The following ZNF124 variants were observed in gnomAD, a reference collection of about 807,000 sequenced individuals.
ZNF124 encodes the protein zinc finger protein 124.
A neutral mutation model predicts 26.6 loss-of-function variants in ZNF124; 25 were observed. That is an observed-to-expected ratio of 0.94 (90% confidence interval 0.68 to 1.31). The LOEUF is 1.31. Ranked by LOEUF, ZNF124 falls within the 40% of genes most tolerant of loss-of-function variation. ZNF124 has a pLI of 0.00. For missense variants in ZNF124, 444 were observed against 422.2 expected (o/e 1.05, Z -0.45); for synonymous variants, 129 against 133.3 (o/e 0.97, Z 0.22).
intron 2 of ZNF124, 96 bp from the exon 3 acceptor site, chr1:247,159,162 AC>A: frequency 8.7e-7 from 1 of 1,147,004 alleles, no homozygotes; most frequent in Non-Finnish European, 1.2e-6. Context: ...GTTTGTACCC[AC>A]CAAAATGAAT....
At chr1:247,122,509 A>G (rs1172384761) in exon 4 of ZNF124, 1 of 152,298 alleles carries the variant, frequency 6.6e-6, no homozygotes. Context: ...TGAAGTGGAT[A>G]AAGAAAATGT....
chr1:247,167,573 A>G (rs1421939181), intron 1 of ZNF124, among the ~76,000 whole-genome samples: 2 of 152,164 alleles, frequency 1.3e-5, no homozygotes, highest in African/African-American at 4.8e-5. Context: ...CCAAAAGAAG[A>G]GACGAGACCT....
intron 3 of ZNF124, among the ~76,000 whole-genome samples, chr1:247,125,078 C>T (rs1418180947): frequency 6.6e-6 from 1 of 152,176 alleles, no homozygotes; most frequent in Non-Finnish European, 1.5e-5. Flanking sequence ...GCTGGGATTA[C>T]AGGCATGAGC....
At chr1:247,136,383 C>G (rs1672484015) in intron 3 of ZNF124, among the ~76,000 whole-genome samples, 1 of 152,064 alleles carries the variant, frequency 6.6e-6, no homozygotes, top group Non-Finnish European at 1.5e-5. Flanking sequence ...CATGAATGAA[C>G]TCCCATTCAC....
At chr1:247,145,404 G>T (rs1377311751) in intron 3 of ZNF124, among the ~76,000 whole-genome samples, 1 of 152,146 alleles carries the variant, frequency 6.6e-6, no homozygotes, top group Non-Finnish European at 1.5e-5. Context: ...GGTGTGAGCA[G>T]TGACAAGGTA....
intron 1 of ZNF124, among the ~76,000 whole-genome samples, chr1:247,161,417 A>G (rs934747334): frequency 6.6e-6 from 1 of 152,210 alleles, no homozygotes; most frequent in Non-Finnish European, 1.5e-5. Flanking sequence ...GACAATAATC[A>G]ATTTGTCATA....
chr1:247,158,818 G>A (rs1033888570), intron 3 of ZNF124, among the ~76,000 whole-genome samples, 188 bp downstream of exon 3: 3 of 152,040 alleles, frequency 2.0e-5, no homozygotes, highest in Non-Finnish European at 2.9e-5. Context: ...TAGTAGAGAC[G>A]GGTTTTTGCC....
At chr1:247,125,098 C>T (rs764485352) in intron 3 of ZNF124, among the ~76,000 whole-genome samples, 5 of 152,282 alleles carry the variant, frequency 3.3e-5, no homozygotes, top group East Asian at 1.9e-4. Context: ...CCACAGCGCC[C>T]GGCCTTCATT....
intron 3 of ZNF124, among the ~76,000 whole-genome samples, chr1:247,139,189 G>C (rs997685170): frequency 6.6e-5 from 10 of 152,206 alleles, no homozygotes; most frequent in African/African-American, 2.2e-4. Flanking sequence ...TCATGGATGC[G>C]TGTCCTCAAC....
rs1343116673 is a variant in ZNF124, at chr1:247,164,996, T to C, written c.31-5183A>G. Among the ~76,000 whole-genome samples the C allele has an allele frequency of 2.0e-5, 3 of 152,020 alleles. No individual in the cohort carries two copies. The South Asian group carries it at 6.2e-4, about 32-fold the overall frequency. ...TTTTTTTTTTTCTTGAGACGGAGTCTTGCTCTGTCACCCAGGCTGGAGTGC... is the reference window on the plus strand; with the variant it reads ...TTTTTTTTTTTCTTGAGACGGAGTCCTGCTCTGTCACCCAGGCTGGAGTGC... On this transcript the variant is annotated intron_variant, in intron 1 of 3. Transcript: ENST00000543802.
intron 1 of ZNF124, among the ~76,000 whole-genome samples, chr1:247,160,031 G>C (rs1174474446): frequency 7.1e-6 from 1 of 140,796 alleles, no homozygotes; most frequent in Non-Finnish European, 1.5e-5. Flanking sequence ...CTGTTGCCAG[G>C]CTGGAGTGCA....
chr1:247,151,034 G>A (rs78924186), downstream of ZNF124, among the ~76,000 whole-genome samples: 3,948 of 152,102 alleles, frequency 0.026, 186 homozygotes, highest in African/African-American at 0.09. Flanking sequence ...CTAAAATAGC[G>A]GGAGATGAGC....
intron 1 of ZNF124, among the ~76,000 whole-genome samples, chr1:247,163,509 ACATCT>A (rs1673611956): frequency 6.6e-6 from 1 of 151,994 alleles, no homozygotes; most frequent in African/African-American, 2.4e-5. Flanking sequence ...ATTATTACAA[ACATCT>A]CTATGCATAC....
intron 3 of ZNF124, among the ~76,000 whole-genome samples, chr1:247,130,688 G>A (rs1672332423): frequency 6.6e-6 from 1 of 152,220 alleles, no homozygotes; most frequent in African/African-American, 2.4e-5. Flanking sequence ...GGTATGAAAT[G>A]TAAGTGCCTT....
intron 3 of ZNF124, among the ~76,000 whole-genome samples, chr1:247,131,103 GA>G (rs1249658273): frequency 1.3e-5 from 2 of 152,164 alleles, no homozygotes; most frequent in African/African-American, 4.8e-5. Context: ...ATAAGCATGT[GA>G]ATCCTTCACC....
intron 3 of ZNF124, among the ~76,000 whole-genome samples, chr1:247,148,937 T>G (rs1672856305): frequency 6.6e-6 from 1 of 151,394 alleles, no homozygotes; most frequent in Non-Finnish European, 1.5e-5. Flanking sequence ...GCCACTGCAC[T>G]CCAGCCTGGG....
intron 3 of ZNF124, among the ~76,000 whole-genome samples, chr1:247,129,046 A>G (rs375449839): frequency 5.9e-3 from 1 of 170 alleles, no homozygotes; most frequent in Non-Finnish European, 0.011. Flanking sequence ...GGGAGGGTGG[A>G]CATTGAGTAC....
intron 3 of ZNF124, among the ~76,000 whole-genome samples, chr1:247,136,095 GTAT>G (rs1672477112): frequency 6.6e-6 from 1 of 152,188 alleles, no homozygotes; most frequent in Admixed American, 6.5e-5. Flanking sequence ...AAAGCTGGAA[GTAT>G]TCCCTTTGGA....
At chr1:247,145,838 AACTCAAACT>A (rs532577062) in intron 3 of ZNF124, among the ~76,000 whole-genome samples, 5 of 152,128 alleles carry the variant, frequency 3.3e-5, no homozygotes, top group Non-Finnish European at 7.4e-5. Flanking sequence ...CATGTTGGCC[AACTCAAACT>A]CCTGACCTCA....
Sources: gnomAD v4.1 joint callset for allele counts (sites outside exome capture counted in the v4.1 genomes callset) on GRCh38, gnomAD v4.1.1 for gene constraint, MANE v1.5 for transcripts, NCBI Gene and HGNC (gene_info 2026-07-23, HGNC 2026-07-21) for gene names.